The following MBNL2 variants were observed in gnomAD, a reference collection of about 807,000 sequenced individuals.
The protein encoded by MBNL2 is muscleblind like splicing regulator 2.
A neutral mutation model predicts 41.9 loss-of-function variants in MBNL2; 17 were observed. That is an observed-to-expected ratio of 0.41 (90% confidence interval 0.28 to 0.61). MBNL2 has a LOEUF of 0.61. MBNL2 is among the 20% of genes least tolerant of loss of function. MBNL2 has a pLI of 0.35. For synonymous variants in MBNL2, 195 were observed against 182.9 expected (o/e 1.07, Z -0.53); for missense variants, 336 against 505.6 (o/e 0.66, Z 3.22).
chr13:97,374,585 G>C (rs941521829), intron 8 of MBNL2, among the ~76,000 whole-genome samples: 5 of 151,932 alleles, frequency 3.3e-5, no homozygotes, highest in African/African-American at 9.7e-5. Flanking sequence ...GTAGAGACGG[G>C]GTTTACCATG....
the MBNL2 span, among the ~76,000 whole-genome samples, chr13:97,167,208 G>A: frequency 0.01 from 1,545 of 152,224 alleles, 18 homozygotes; most frequent in African/African-American, 0.019. Context: ...CCCAGGAATC[G>A]AGGCCAAAAC....
intron 1 of MBNL2, among the ~76,000 whole-genome samples, chr13:97,235,191 C>T (rs1333504559): frequency 6.6e-6 from 1 of 152,100 alleles, no homozygotes; most frequent in African/African-American, 2.4e-5. Context: ...ATCCCCAGGC[C>T]CCTACTCTAT....
chr13:97,263,292 T>A (rs2049010828), intron 1 of MBNL2, among the ~76,000 whole-genome samples: 1 of 152,178 alleles, frequency 6.6e-6, no homozygotes, highest in African/African-American at 2.4e-5. Flanking sequence ...TTCTAATGTA[T>A]CCTAGGTGGT....
chr13:97,334,148 C>CCACA lies in MBNL2; in HGVS notation c.175-103_175-100dup, dbSNP rs34820289. On this transcript the variant is annotated intron_variant, in intron 2 of 8. Transcript: ENST00000679496. This position sits in a 1 kb window ranked among gnomAD's most constrained non-coding sequence, Gnocchi z 5.3. ...AACACATGAGCATGCGCGCGCACACCCACACACACACACACACACACACAC... is the reference window on the plus strand; with the variant it reads ...AACACATGAGCATGCGCGCGCACACCCACACACACACACACACACACACACACAC... 0.023 allele frequency: 12,502 copies of CCACA among 544,518 alleles called. 289 individuals carry two copies. The highest frequency in any genetic ancestry group is 0.11 in the African/African-American group (5,402 of 49,582). The allele number at this position is 544,518 out of a possible 1,614,324, so 33.7% of individuals were successfully genotyped here.
At chr13:97,388,742 G>T (rs1378012890) in intron 8 of MBNL2, among the ~76,000 whole-genome samples, 1 of 152,056 alleles carries the variant, frequency 6.6e-6, no homozygotes, top group African/African-American at 2.4e-5. Flanking sequence ...TATATCTCCA[G>T]GGCATATTTC....
intron 2 of MBNL2, among the ~76,000 whole-genome samples, chr13:97,305,409 A>T (rs901924653): frequency 6.6e-6 from 1 of 152,206 alleles, no homozygotes; most frequent in Non-Finnish European, 1.5e-5. Context: ...CCCAATACTC[A>T]GCCAATATTA....
the MBNL2 span, among the ~76,000 whole-genome samples, chr13:97,212,196 C>T: frequency 3.6e-4 from 55 of 152,300 alleles, no homozygotes; most frequent in East Asian, 8.1e-3. Context: ...AAAGTGGTTG[C>T]ATGCAGAAGT....
chr13:97,148,420 T>C, the MBNL2 span, among the ~76,000 whole-genome samples: 1 of 152,220 alleles, frequency 6.6e-6, no homozygotes, highest in Middle Eastern at 3.4e-3. Flanking sequence ...CCACAGAATA[T>C]ACAACACCAA....
chr13:97,319,806 C>A (rs1039482444), intron 2 of MBNL2, among the ~76,000 whole-genome samples: 6 of 152,170 alleles, frequency 3.9e-5, no homozygotes, highest in African/African-American at 1.4e-4. Flanking sequence ...CTAATGAGTT[C>A]TTTAGTGAAA....
intron 2 of MBNL2, among the ~76,000 whole-genome samples, chr13:97,298,493 T>G (rs1446935633): frequency 1.3e-5 from 2 of 152,228 alleles, no homozygotes; most frequent in African/African-American, 4.8e-5. Flanking sequence ...ATAGAAAATC[T>G]GAGACTTAAC....
At chr13:97,231,017 G>C (rs866368761) in intron 1 of MBNL2, among the ~76,000 whole-genome samples, 1 of 152,110 alleles carries the variant, frequency 6.6e-6, no homozygotes, top group African/African-American at 2.4e-5. Context: ...TATATTTTGG[G>C]GATGTTACTG....
the MBNL2 span, among the ~76,000 whole-genome samples, chr13:97,169,048 C>G: frequency 6.6e-6 from 1 of 152,170 alleles, no homozygotes; most frequent in Non-Finnish European, 1.5e-5. Context: ...CTACTCCCCC[C>G]TTTGTCGCAT....
upstream of MBNL2, among the ~76,000 whole-genome samples, chr13:97,217,835 G>A (rs1291348822): frequency 1.3e-5 from 2 of 151,988 alleles, no homozygotes; most frequent in African/African-American, 4.8e-5. Context: ...GAGGCAGAGA[G>A]GTAAGGAACA....
At chr13:97,155,332 C>T in the MBNL2 span, among the ~76,000 whole-genome samples, 1 of 151,304 alleles carries the variant, frequency 6.6e-6, no homozygotes, top group Non-Finnish European at 1.5e-5. Flanking sequence ...TCATACTCAC[C>T]CTTGTGTAAT....
At chr13:97,277,391 T>A (rs1188661607) in intron 2 of MBNL2, among the ~76,000 whole-genome samples, 1 of 152,166 alleles carries the variant, frequency 6.6e-6, no homozygotes, top group Non-Finnish European at 1.5e-5. Context: ...TTCAGCAAGG[T>A]TACCAAACAG....
At chr13:97,300,325 A>G (rs1432742411) in intron 2 of MBNL2, among the ~76,000 whole-genome samples, 1 of 152,134 alleles carries the variant, frequency 6.6e-6, no homozygotes, top group Non-Finnish European at 1.5e-5. Flanking sequence ...ACAGCTAACT[A>G]TCTTCTTCAC....
chr13:97,145,069 A>G, the MBNL2 span, among the ~76,000 whole-genome samples: 2 of 152,218 alleles, frequency 1.3e-5, no homozygotes, highest in South Asian at 2.1e-4. Flanking sequence ...TTTCATATCT[A>G]GGTAGAAGCT....
chr13:97,281,687 T>C lies in MBNL2; in HGVS notation c.174+5278T>C, dbSNP rs770201211. Among the ~76,000 whole-genome samples, 104 of 152,362 alleles carry C rather than the reference T, an allele frequency of 6.8e-4. 1 individual carries two copies. Among genetic ancestry groups the C allele is most frequent in the Non-Finnish European group, 1.2e-3 (81 of 68,036 alleles). On this transcript the variant is annotated intron_variant, in intron 2 of 8. Transcript: ENST00000679496. ...TCTAAGTTATTAATTTTGGCCTGAT[T>C]TGCAAATATAATCTCAGACAAATTG... is the stretch of plus-strand genomic sequence containing the variant.
At chr13:97,380,220 G>A (rs1319277661) in intron 8 of MBNL2, among the ~76,000 whole-genome samples, 4 of 151,936 alleles carry the variant, frequency 2.6e-5, no homozygotes, top group South Asian at 4.1e-4. Context: ...TGAGCTGGGC[G>A]CAGTGGCTCA....
Sources: gnomAD v4.1 joint callset for allele counts (sites outside exome capture counted in the v4.1 genomes callset) on GRCh38, gnomAD v4.1.1 for gene constraint, Gnocchi (gnomAD v3.1) non-coding constraint, MANE v1.5 for transcripts, NCBI Gene and HGNC (gene_info 2026-07-23, HGNC 2026-07-21) for gene names.